The following CNTN5 variants were observed in gnomAD, a reference collection of about 807,000 sequenced individuals.
The protein encoded by CNTN5 is contactin 5, also known as contactin-5.
Under a neutral mutation model 129.1 loss-of-function variants are expected in CNTN5, and 77 were observed. That is an observed-to-expected ratio of 0.60 (90% confidence interval 0.50 to 0.72). The LOEUF is 0.72. Ranked by LOEUF, CNTN5 falls within the 30% of genes least tolerant of loss-of-function variation. CNTN5 has a pLI of 0.00. For missense variants in CNTN5, 1,478 were observed against 1,328.8 expected (o/e 1.11, Z -1.75); for synonymous variants, 509 against 465.6 (o/e 1.09, Z -1.20).
chr11:99,431,995 G>A (rs373818564), intron 2 of CNTN5, among the ~76,000 whole-genome samples: 16 of 152,026 alleles, frequency 1.1e-4, no homozygotes, highest in East Asian at 7.7e-4. Flanking sequence ...GCAGGTGGGG[G>A]GATAGTCAAA....
chr11:99,958,339 A>G (rs1009837090), intron 8 of CNTN5, among the ~76,000 whole-genome samples: 6 of 152,252 alleles, frequency 3.9e-5, no homozygotes, highest in Non-Finnish European at 2.9e-5. Flanking sequence ...GGTGGAGGCT[A>G]GCATACACAA....
chr11:99,177,891 C>G (rs929939790), intron 1 of CNTN5, among the ~76,000 whole-genome samples: 2 of 152,066 alleles, frequency 1.3e-5, no homozygotes, highest in Admixed American at 6.5e-5. Flanking sequence ...CAAAGAAATT[C>G]TATAGAGTTC....
At chr11:99,033,936 A>G (rs1236977340) in intron 1 of CNTN5, among the ~76,000 whole-genome samples, 1 of 151,402 alleles carries the variant, frequency 6.6e-6, no homozygotes, top group African/African-American at 2.4e-5. Context: ...ATTTTGAAAT[A>G]CGTCCCATCA....
chr11:100,255,904 A>C lies in CNTN5; in HGVS notation c.2150A>C (p.Gln717Pro), dbSNP rs1357640126. ...QARSPFSLGWQTVKTVPEIIT... is the reference protein window; with the variant it reads ...QARSPFSLGWPTVKTVPEIIT... ...CGCAGCCCATTTTCCCTGGGCTGGC[A>C]AACAGTAAAGACAGGTAAGAGGCAC... is the stretch of plus-strand genomic sequence containing the variant. Residue 717 changes from glutamine (Q) to proline (P), a missense_variant, in exon 17 of 25, where the codon CAA becomes CCA. Transcript: ENST00000524871. 1 of 1,613,820 alleles carries C rather than the reference A, an allele frequency of 6.2e-7. No homozygotes were observed. Among genetic ancestry groups the C allele is most frequent in the Non-Finnish European group, 8.5e-7 (1 of 1,179,864 alleles).
intron 8 of CNTN5, among the ~76,000 whole-genome samples, chr11:99,995,003 T>C (rs939656421): frequency 6.6e-6 from 1 of 152,186 alleles, no homozygotes; most frequent in South Asian, 2.1e-4. Context: ...ACATTATTGA[T>C]AAAGAGAGAA....
chr11:100,219,559 A>G (rs1343860842), intron 15 of CNTN5, among the ~76,000 whole-genome samples: 1 of 152,218 alleles, frequency 6.6e-6, no homozygotes, highest in Non-Finnish European at 1.5e-5. Flanking sequence ...TGGCTAGGGA[A>G]AACACAATTG....
At chr11:99,996,124 T>C (rs755460623) in intron 8 of CNTN5, among the ~76,000 whole-genome samples, 1 of 152,206 alleles carries the variant, frequency 6.6e-6, no homozygotes. Flanking sequence ...TATAGTGTTA[T>C]TATTGACACT....
intron 16 of CNTN5, among the ~76,000 whole-genome samples, chr11:100,235,451 G>C (rs1949590891): frequency 6.6e-6 from 1 of 152,168 alleles, no homozygotes; most frequent in African/African-American, 2.4e-5. Context: ...AGAGGGCGAG[G>C]AGTATGCTGA....
intron 3 of CNTN5, among the ~76,000 whole-genome samples, chr11:99,726,787 CA>C (rs1196041223): frequency 6.6e-6 from 1 of 152,090 alleles, no homozygotes; most frequent in African/African-American, 2.4e-5. Flanking sequence ...TCCGGCAGGT[CA>C]TATAACCACT....
rs188013713 is a variant in CNTN5, at chr11:100,287,110, A to G, written c.2315-10515A>G. ...TCCAAGAAAATATGGGACTATGTGAAAAGACCAAATCTACGTCTGATTGGT... is the reference window on the plus strand; with the variant it reads ...TCCAAGAAAATATGGGACTATGTGAGAAGACCAAATCTACGTCTGATTGGT... On this transcript the variant is annotated intron_variant, in intron 18 of 24. Coordinates refer to ENST00000524871, the MANE Select transcript of CNTN5 (RefSeq NM_014361.4). 3.5e-4 allele frequency among the ~76,000 whole-genome samples: 53 copies of G among 152,334 alleles called. 1 individual carries two copies. In the East Asian group the frequency reaches 9.8e-3, roughly 28 times the overall value.
intron 1 of CNTN5, among the ~76,000 whole-genome samples, chr11:99,094,775 A>C (rs1185761210): frequency 6.6e-6 from 1 of 151,916 alleles, no homozygotes; most frequent in Admixed American, 6.6e-5. Flanking sequence ...TCCTGTGGAT[A>C]CTAAAGAGCC....
intron 1 of CNTN5, among the ~76,000 whole-genome samples, chr11:99,295,518 T>C (rs921864977): frequency 6.6e-6 from 1 of 152,224 alleles, no homozygotes; most frequent in Non-Finnish European, 1.5e-5. Context: ...TAACAAATGA[T>C]GTCCTTCTAG....
At chr11:99,379,994 G>A (rs537832120) in intron 2 of CNTN5, among the ~76,000 whole-genome samples, 9 of 151,856 alleles carry the variant, frequency 5.9e-5, no homozygotes, top group South Asian at 2.1e-4. Context: ...GTATATATGC[G>A]TGTGTGTGAA....
At chr11:99,218,405 C>T (rs971027821) in intron 1 of CNTN5, among the ~76,000 whole-genome samples, 4 of 152,252 alleles carry the variant, frequency 2.6e-5, no homozygotes, top group African/African-American at 9.6e-5. Context: ...TTAAATACTA[C>T]ATGTGTTCTT....
At chr11:99,892,265 A>G (rs905024368) in intron 6 of CNTN5, among the ~76,000 whole-genome samples, 1 of 151,976 alleles carries the variant, frequency 6.6e-6, no homozygotes, top group African/African-American at 2.4e-5. Flanking sequence ...ATTTTCTTTC[A>G]TTCTGTAGGT....
At chr11:100,210,929 A>G (rs887454174) in intron 15 of CNTN5, among the ~76,000 whole-genome samples, 3 of 152,202 alleles carry the variant, frequency 2.0e-5, no homozygotes, top group African/African-American at 7.2e-5. Context: ...TGCTGCCAAG[A>G]TAAGTTTGAA....
At chr11:99,080,980 G>GTTTTTTTTTTTT (rs766619743) in intron 1 of CNTN5, among the ~76,000 whole-genome samples, 1 of 112,460 alleles carries the variant, frequency 8.9e-6, no homozygotes, top group Middle Eastern at 5.0e-3. Flanking sequence ...TGAGAAATCA[G>GTTTTTTTTTTTT]TTTTTTTTTT....
intron 15 of CNTN5, among the ~76,000 whole-genome samples, chr11:100,207,327 CTAGCATAAGCT>C: frequency 6.6e-6 from 1 of 152,116 alleles, no homozygotes; most frequent in Non-Finnish European, 1.5e-5. Flanking sequence ...GTTCAACCAA[CTAGCATAAGCT>C]AAGGTAATAA....
At chr11:99,768,901 A>G (rs1944849590) in intron 3 of CNTN5, among the ~76,000 whole-genome samples, 1 of 152,178 alleles carries the variant, frequency 6.6e-6, no homozygotes, top group African/African-American at 2.4e-5. Context: ...TAATGGATTT[A>G]ACATCTATTG....
Sources: gnomAD v4.1 joint callset for allele counts (sites outside exome capture counted in the v4.1 genomes callset) on GRCh38, gnomAD v4.1.1 for gene constraint, MANE v1.5 for transcripts, NCBI Gene and HGNC (gene_info 2026-07-23, HGNC 2026-07-21) for gene names.